The following PRDM5 variants were observed in gnomAD, a reference collection of about 807,000 sequenced individuals.
PRDM5 encodes the protein PR/SET domain 5.
PRDM5 carries 56 observed loss-of-function variants against 81.2 expected under a neutral mutation model. That is an observed-to-expected ratio of 0.69 (90% CI 0.56 to 0.86). The LOEUF (loss-of-function observed/expected upper bound fraction) is 0.86, where lower values mean the gene tolerates loss of function less well. PRDM5 is among the 40% of genes least tolerant of loss of function. The probability of loss-of-function intolerance (pLI) is 0.00; values close to 1 mark genes in which losing one functional copy is unlikely to be tolerated. For missense variants in PRDM5, 697 were observed against 770.1 expected, an observed-to-expected ratio of 0.91 and a Z score of 1.12; for synonymous variants, 267 against 256.4, an observed-to-expected ratio of 1.04 and a Z score of -0.39.
intron 1 of PRDM5, among the ~76,000 whole-genome samples, chr4:120,918,278 C>T (rs144390996): frequency 6.6e-6 from 1 of 152,304 alleles, no homozygotes; most frequent in East Asian, 1.9e-4. Context: ...GAAGAGATAG[C>T]ATATACGGCA....
At chr4:120,882,290 G>A (rs1190733667) in intron 2 of PRDM5, among the ~76,000 whole-genome samples, 1 of 152,170 alleles carries the variant, frequency 6.6e-6, no homozygotes, top group African/African-American at 2.4e-5. Flanking sequence ...TGGGATTACA[G>A]GCACCTGCCA....
intron 15 of PRDM5, among the ~76,000 whole-genome samples, chr4:120,699,157 TA>T (rs1734939964): frequency 1.2e-5 from 1 of 82,882 alleles, no homozygotes; most frequent in Non-Finnish European, 2.3e-5. Flanking sequence ...TTATAGGAAA[TA>T]TAAATATATA....
At position 120,803,769 on chromosome 4, in the gene PRDM5, T is replaced by C. The variant is rs149989384; in HGVS notation, c.946-4024A>G. ...AAAACATGCCAAATTGTAAAGACCA[T>C]CGATGCTAGGAAGAAACTGCATCAA... On this transcript the variant is annotated intron_variant, in intron 8 of 15. Coordinates refer to ENST00000264808, the MANE Select transcript of PRDM5 (RefSeq NM_018699.4). Among the ~76,000 whole-genome samples, 362 of 152,302 alleles carry C rather than the reference T, an allele frequency of 2.4e-3. 1 individual carries two copies. Among genetic ancestry groups the C allele is most frequent in the African/African-American group, 8.4e-3 (350 of 41,572 alleles).
At chr4:120,843,102 C>T (rs916976890) in intron 3 of PRDM5, among the ~76,000 whole-genome samples, 3 of 152,138 alleles carry the variant, frequency 2.0e-5, no homozygotes, top group Non-Finnish European at 4.4e-5. Context: ...GATGCCGAGG[C>T]AGGTGGATCA....
chr4:120,731,367 CT>C (rs200102326), intron 14 of PRDM5, among the ~76,000 whole-genome samples: 3,610 of 129,198 alleles, frequency 0.028, 159 homozygotes, highest in East Asian at 0.13. Context: ...CAGAGGTCTT[CT>C]TTTTTTTTTT....
chr4:120,781,541 T>C (rs1350509809), intron 11 of PRDM5, among the ~76,000 whole-genome samples: 1 of 152,174 alleles, frequency 6.6e-6, no homozygotes, highest in African/African-American at 2.4e-5. Context: ...GGGGACTGAA[T>C]TAGCAGAATT....
intron 10 of PRDM5, among the ~76,000 whole-genome samples, chr4:120,792,115 T>C (rs1215126119): frequency 6.6e-6 from 1 of 152,218 alleles, no homozygotes; most frequent in Non-Finnish European, 1.5e-5. Flanking sequence ...CATTACAAAC[T>C]GTGACCGAAA....
In PRDM5 at chr4:120,694,513, A is replaced by G. The variant is rs919650346; in HGVS notation, c.*598T>C. 4 of 152,530 alleles carry G rather than the reference A, an allele frequency of 2.6e-5. No individual in the cohort carries two copies. Among genetic ancestry groups the G allele is most frequent in the African/African-American group, 9.7e-5 (4 of 41,414 alleles). The allele number at this position is 152,530 out of a possible 1,614,324, so 9.4% of individuals were successfully genotyped here. A position where few individuals can be genotyped will look rare whatever the true frequency, so the allele number is the denominator to read the frequency against. ...TTTAGTTATCAAATATCTATTTTAA[A>G]CTCATTTGTTGCACAGAGCTATTAG... On this transcript the variant is annotated 3_prime_UTR_variant, in exon 16 of 16. Transcript: ENST00000264808.
At chr4:120,894,018 A>C (rs1047889071) in intron 2 of PRDM5, among the ~76,000 whole-genome samples, 15 of 152,188 alleles carry the variant, frequency 9.9e-5, no homozygotes, top group African/African-American at 1.7e-4. Context: ...TAGTCCATTT[A>C]AATTTAGCAC....
At chr4:120,760,004 A>AT (rs1745362886) in intron 13 of PRDM5, among the ~76,000 whole-genome samples, 1 of 152,232 alleles carries the variant, frequency 6.6e-6, no homozygotes, top group Non-Finnish European at 1.5e-5. Context: ...CTAAGTATTC[A>AT]TATCCCTAGT....
chr4:120,780,406 T>C (rs1307811014), intron 12 of PRDM5, among the ~76,000 whole-genome samples: 1 of 151,978 alleles, frequency 6.6e-6, no homozygotes, highest in Non-Finnish European at 1.5e-5. Flanking sequence ...ATGACACCAC[T>C]GCACTACAGC....
At chr4:120,743,631 T>G (rs1742471360) in intron 14 of PRDM5, among the ~76,000 whole-genome samples, 1 of 97,444 alleles carries the variant, frequency 1.0e-5, no homozygotes, top group South Asian at 4.2e-4. Context: ...GTTGCAATCC[T>G]AGTCTCTGAT....
chr4:120,762,300 T>C (rs201116382), intron 13 of PRDM5: 1 of 152,190 alleles, frequency 6.6e-6, no homozygotes, highest in Non-Finnish European at 1.5e-5. Flanking sequence ...TTGAGTTTTC[T>C]AACAAAAATC....
intron 12 of PRDM5, among the ~76,000 whole-genome samples, chr4:120,779,522 A>G (rs1716801958): frequency 1.3e-5 from 2 of 152,160 alleles, no homozygotes; most frequent in South Asian, 4.1e-4. Flanking sequence ...AAAACACCAG[A>G]TAATATCATT....
At chr4:120,818,642 TA>T (rs1754861137) in intron 4 of PRDM5, 115 bp from the exon 5 acceptor site, 3 of 873,392 alleles carry the variant, frequency 3.4e-6, no homozygotes, top group Non-Finnish European at 5.5e-6. Flanking sequence ...ACCATATGAA[TA>T]AATTCTTATT....
chr4:120,785,186 G>A, intron 10 of PRDM5, 95 bp from the exon 11 acceptor site: 1 of 946,200 alleles, frequency 1.1e-6, no homozygotes, highest in East Asian at 2.5e-5. Context: ...AAAGAGGAAA[G>A]AAGGGAAGGT....
chr4:120,712,320 A>G (rs1737122595), intron 14 of PRDM5, among the ~76,000 whole-genome samples: 1 of 152,194 alleles, frequency 6.6e-6, no homozygotes, highest in Admixed American at 6.5e-5. Flanking sequence ...GAATTGAGAT[A>G]GTGTATGCAT....
At chr4:120,882,437 C>T (rs558503575) in intron 2 of PRDM5, among the ~76,000 whole-genome samples, 10 of 152,218 alleles carry the variant, frequency 6.6e-5, no homozygotes, top group South Asian at 2.1e-4. Flanking sequence ...CGTGAACCAC[C>T]GCACCTGGCC....
intron 8 of PRDM5, among the ~76,000 whole-genome samples, chr4:120,806,860 A>G (rs1753047915): frequency 6.6e-6 from 1 of 152,224 alleles, no homozygotes; most frequent in African/African-American, 2.4e-5. Flanking sequence ...GGATCTAATT[A>G]AACTAAAGAG....
Sources: allele counts gnomAD v4.1 joint callset (sites outside exome capture counted in the v4.1 genomes callset), GRCh38; gene constraint gnomAD v4.1.1; transcripts MANE v1.5; gene names NCBI Gene and HGNC (gene_info 2026-07-23, HGNC 2026-07-21).